The following VWC2 variants were observed in gnomAD, a reference collection of about 807,000 sequenced individuals.
The protein encoded by VWC2 is von Willebrand factor C domain containing 2, also known as brorin.
In VWC2, 14 loss-of-function variants were observed where a neutral mutation model predicts 29.8. The ratio of observed to expected loss-of-function variants is 0.47; its 90% CI spans 0.31 to 0.74. VWC2 has a LOEUF of 0.74. VWC2 is among the 30% of genes least tolerant of loss of function. VWC2 has a pLI of 0.05. For synonymous variants in VWC2, 213 were observed against 199.0 expected, an observed-to-expected ratio of 1.07 and a Z score of -0.59; for missense variants, 457 against 459.8, an observed-to-expected ratio of 0.99 and a Z score of 0.05.
At chr7:49,834,584 T>C (rs1165000910) in intron 3 of VWC2, among the ~76,000 whole-genome samples, 1 of 152,208 alleles carries the variant, frequency 6.6e-6, no homozygotes, top group African/African-American at 2.4e-5. Context: ...CAGATGGAGC[T>C]GAGGTTCATG....
intron 3 of VWC2, among the ~76,000 whole-genome samples, chr7:49,887,225 G>T (rs1489014933): frequency 2.0e-5 from 3 of 152,142 alleles, no homozygotes; most frequent in Non-Finnish European, 4.4e-5. Flanking sequence ...TTGTGGTCTA[G>T]CTCTGACACA....
intron 3 of VWC2, among the ~76,000 whole-genome samples, chr7:49,909,555 T>C (rs2128741852): frequency 6.6e-6 from 1 of 151,980 alleles, no homozygotes; most frequent in Non-Finnish European, 1.5e-5. Context: ...TGGGGAGGGG[T>C]CTTGAATTTA....
chr7:49,920,258 A>T lies in VWC2; in HGVS notation c.*8073A>T, dbSNP rs1793959965. On this transcript the variant is annotated 3_prime_UTR_variant, in exon 4 of 4. Transcript: ENST00000340652. ...TTAATACACGATGAATCCTTTTCTT[A>T]AGGAAAAAATGAAAATAATAAAAGT... The T allele has an allele frequency of 1.3e-5, 2 of 150,768 alleles. No homozygotes were observed. The highest frequency in any genetic ancestry group is 4.8e-5 in the African/African-American group (2 of 41,378). The allele number at this position is 150,768 out of a possible 1,614,324, so 9.3% of individuals were successfully genotyped here.
chr7:49,807,470 G>A (rs1353211926), intron 3 of VWC2, among the ~76,000 whole-genome samples: 1 of 152,186 alleles, frequency 6.6e-6, no homozygotes, highest in South Asian at 2.1e-4. Context: ...GTCAGAAAAG[G>A]CCTGTGCATG....
chr7:49,777,715 C>G, intron 2 of VWC2, among the ~76,000 whole-genome samples: 1 of 152,160 alleles, frequency 6.6e-6, no homozygotes, highest in East Asian at 1.9e-4. Context: ...CAAAATGCTT[C>G]CTGCCTACGG....
intron 3 of VWC2, among the ~76,000 whole-genome samples, chr7:49,910,108 T>C (rs1583817711): frequency 6.6e-6 from 1 of 151,822 alleles, no homozygotes; most frequent in East Asian, 1.9e-4. Context: ...CAATACCCTG[T>C]CTCAAACACA....
At chr7:49,800,669 T>C (rs1366384746) in intron 2 of VWC2, among the ~76,000 whole-genome samples, 2 of 152,050 alleles carry the variant, frequency 1.3e-5, no homozygotes, top group African/African-American at 2.4e-5. Flanking sequence ...AAACCATGTC[T>C]CTTGCAACTC....
intron 3 of VWC2, among the ~76,000 whole-genome samples, chr7:49,865,892 G>A (rs1048782743): frequency 6.6e-6 from 1 of 152,158 alleles, no homozygotes; most frequent in Non-Finnish European, 1.5e-5. Context: ...ATGGTTCAGT[G>A]GAACAATGTC....
intron 3 of VWC2, among the ~76,000 whole-genome samples, chr7:49,815,218 C>A (rs1340646766): frequency 6.6e-6 from 1 of 152,110 alleles, no homozygotes; most frequent in Non-Finnish European, 1.5e-5. Flanking sequence ...GTGAGGTAGC[C>A]TTGTAAATAA....
chr7:49,798,622 T>C (rs1490642143), intron 2 of VWC2, among the ~76,000 whole-genome samples: 1 of 152,164 alleles, frequency 6.6e-6, no homozygotes, highest in African/African-American at 2.4e-5. Context: ...TTAGGCAGTG[T>C]AGGGACTGGA....
chr7:49,775,739 G>T lies in VWC2; in HGVS notation c.304G>T (p.Gly102Trp), dbSNP rs888405820. ...KLKQAWVSQG[G>W]GAKAGDLQVR... Reference sequence around the variant, plus strand: ...GAAGCAGGCCTGGGTCTCCCAGGGCGGGGGCGCCAAGGCCGGGGATCTGCA... The same window carrying T: ...GAAGCAGGCCTGGGTCTCCCAGGGCTGGGGCGCCAAGGCCGGGGATCTGCA... Residue 102 changes from glycine (G) to tryptophan (W), a missense_variant, in exon 2 of 4, where the codon GGG (glycine) becomes TGG (tryptophan). Coordinates refer to ENST00000340652, the MANE Select transcript of VWC2 (RefSeq NM_198570.5). 4 of 1,511,916 alleles carry T rather than the reference G, an allele frequency of 2.6e-6. No homozygotes were observed. The highest frequency in any genetic ancestry group is 3.5e-6 in the Non-Finnish European group (4 of 1,133,322). The allele number at this position is 1,511,916 out of a possible 1,614,324, so 93.7% of individuals were successfully genotyped here.
At chr7:49,905,344 G>A (rs759348556) in intron 3 of VWC2, among the ~76,000 whole-genome samples, 1 of 152,188 alleles carries the variant, frequency 6.6e-6, no homozygotes, top group Non-Finnish European at 1.5e-5. Flanking sequence ...TGCTACAGCA[G>A]TGCCACTGCT....
At chr7:49,874,921 A>G (rs1791332612) in intron 3 of VWC2, among the ~76,000 whole-genome samples, 1 of 152,172 alleles carries the variant, frequency 6.6e-6, no homozygotes. Flanking sequence ...AGATTCTTGG[A>G]ATTGTAATTA....
chr7:49,841,449 T>A (rs1789791068), intron 3 of VWC2, among the ~76,000 whole-genome samples: 2 of 152,190 alleles, frequency 1.3e-5, no homozygotes, highest in South Asian at 4.1e-4. Context: ...AGGTAGGGAT[T>A]CAGTGTTTTA....
intron 3 of VWC2, among the ~76,000 whole-genome samples, chr7:49,813,301 A>G (rs1789056132): frequency 6.6e-6 from 1 of 152,250 alleles, no homozygotes; most frequent in Non-Finnish European, 1.5e-5. Context: ...TTTTAGGACC[A>G]GTGATTCCCA....
chr7:49,858,527 G>A (rs1790517030), intron 3 of VWC2, among the ~76,000 whole-genome samples: 1 of 148,180 alleles, frequency 6.7e-6, no homozygotes, highest in African/African-American at 2.5e-5. Context: ...GACACAGGAA[G>A]GGGAACATCA....
chr7:49,855,428 T>A (rs1321267294), intron 3 of VWC2, among the ~76,000 whole-genome samples: 1 of 152,094 alleles, frequency 6.6e-6, no homozygotes, highest in Non-Finnish European at 1.5e-5. Flanking sequence ...GAGTTTAACA[T>A]CCAGAGAGCA....
chr7:49,789,334 CGT>C (rs1303691255), intron 2 of VWC2, among the ~76,000 whole-genome samples: 1 of 119,622 alleles, frequency 8.4e-6, no homozygotes, highest in Non-Finnish European at 1.6e-5. Flanking sequence ...TGTGTGGGTG[CGT>C]GTGAGTGTAT....
Position 49,911,918 on chromosome 7 carries a change from T to TACATGCAC in VWC2, c.827-113_827-112insTGCACACA, listed in dbSNP as rs1452800334. The TACATGCAC allele has an allele frequency of 8.5e-5, 19 of 223,016 alleles. No homozygotes were observed. The African/African-American group carries it at 9.7e-4, about 11-fold the overall frequency. 13.8% of individuals were successfully genotyped at this position (223,016 alleles called of 1,614,324 possible). A position where few individuals can be genotyped will look rare whatever the true frequency, so the allele number is the denominator to read the frequency against. On this transcript the variant is annotated intron_variant, in intron 3 of 3. Transcript: ENST00000340652. ...TCTCAAAAACAAACAAACAAACAAA[T>TACATGCAC]ACACGCACACACACACACACACACA... is the stretch of plus-strand genomic sequence containing the variant.
Sources: allele counts gnomAD v4.1 joint callset (sites outside exome capture counted in the v4.1 genomes callset), GRCh38; gene constraint gnomAD v4.1.1; transcripts MANE v1.5; gene names NCBI Gene and HGNC (gene_info 2026-07-23, HGNC 2026-07-21).